CCDC73: variants seen among roughly 807,000 people sequenced by gnomAD.
CCDC73 encodes the protein coiled-coil domain-containing protein 73.
In CCDC73, 95 loss-of-function variants were observed where a neutral mutation model predicts 116.5. That is an observed-to-expected ratio of 0.82 (90% CI 0.69 to 0.97). CCDC73 has a LOEUF of 0.97. Ranked by LOEUF, CCDC73 falls within the 50% of genes least tolerant of loss-of-function variation. The pLI is 0.00. For synonymous variants in CCDC73, 398 were observed against 401.3 expected, an observed-to-expected ratio of 0.99 and a Z score of 0.10; for missense variants, 1,066 against 1,206.8, an observed-to-expected ratio of 0.88 and a Z score of 1.73.
In CCDC73 at chr11:32,615,983, TTC is replaced by T. The variant is rs1305655431; in HGVS notation, c.1330_1331del (p.Glu444ArgfsTer15). 1 of 1,590,998 alleles carries T rather than the reference TTC, an allele frequency of 6.3e-7. No homozygotes were observed. Among genetic ancestry groups the T allele is most frequent in the East Asian group, 2.3e-5 (1 of 44,414 alleles). Reference protein sequence around the residue: ...FCSDTEYREKEEKKEGSFIEE... With the variant: ...FCSDTEYREKXEKKEGSFIEE... ...CTATAAATGAGCCTTCTTTTTTTTC[TTC>T]TTTTTCTCTGTATTCAGTATCTGAA... is the stretch of plus-strand genomic sequence containing the variant. On this transcript the variant is annotated frameshift_variant, in exon 15 of 18. Transcript: ENST00000335185. LOFTEE classifies it high-confidence loss of function.
At chr11:32,667,653 G>T (rs889541222) in intron 9 of CCDC73, among the ~76,000 whole-genome samples, 1 of 152,106 alleles carries the variant, frequency 6.6e-6, no homozygotes, top group African/African-American at 2.4e-5. Flanking sequence ...ACTCTTGGTG[G>T]GCTACACCCA....
chr11:32,616,747 C>T (rs561752067), intron 14 of CCDC73, among the ~76,000 whole-genome samples: 1 of 152,300 alleles, frequency 6.6e-6, no homozygotes, highest in Admixed American at 6.5e-5. Context: ...CTGTACTAGG[C>T]TTTGGGATAC....
intron 14 of CCDC73, among the ~76,000 whole-genome samples, chr11:32,628,210 G>A (rs1855594607): frequency 6.6e-6 from 1 of 152,162 alleles, no homozygotes; most frequent in Non-Finnish European, 1.5e-5. Context: ...AGGAAAAAGT[G>A]AGATGAACCC....
chr11:32,737,920 C>T (rs1249233602), intron 2 of CCDC73, among the ~76,000 whole-genome samples: 1 of 152,074 alleles, frequency 6.6e-6, no homozygotes, highest in African/African-American at 2.4e-5. Context: ...ATTTTTACCT[C>T]CCACGAATAA....
chr11:32,647,779 C>A (rs1855791320), intron 12 of CCDC73, among the ~76,000 whole-genome samples: 1 of 151,524 alleles, frequency 6.6e-6, no homozygotes, highest in African/African-American at 2.4e-5. Context: ...AGACTTCCAA[C>A]CTCTTGTCAA....
the CCDC73 span, among the ~76,000 whole-genome samples, chr11:32,802,610 C>T: frequency 6.6e-6 from 1 of 152,248 alleles, no homozygotes; most frequent in Non-Finnish European, 1.5e-5. Flanking sequence ...ACTCATCCTA[C>T]ATCATAAAGA....
chr11:32,796,460 C>T (rs1850728728), upstream of CCDC73, among the ~76,000 whole-genome samples: 1 of 152,190 alleles, frequency 6.6e-6, no homozygotes. Flanking sequence ...TTAGTCTCCA[C>T]AACAATCCTA....
rs141592583 is a variant in CCDC73 at position 32,791,500 on chromosome 11, G to A, written c.-16+3113C>T. Among the ~76,000 whole-genome samples the A allele has an allele frequency of 4.8e-3, 735 of 152,290 alleles. 7 individuals carry two copies. Among genetic ancestry groups the A allele is most frequent in the Non-Finnish European group, 9.0e-3 (615 of 68,006 alleles). Reference sequence around the variant, plus strand: ...TATTTCCCAAGTTTACCTTGATCTTGAAACACTTTTTTTCATAATTCATAA... The same window carrying A: ...TATTTCCCAAGTTTACCTTGATCTTAAAACACTTTTTTTCATAATTCATAA... On this transcript the variant is annotated intron_variant, in intron 1 of 17. Transcript: ENST00000335185.
the CCDC73 span, among the ~76,000 whole-genome samples, chr11:32,809,278 T>C: frequency 1.3e-5 from 2 of 152,174 alleles, no homozygotes; most frequent in Non-Finnish European, 2.9e-5. Flanking sequence ...AGAGAATTTA[T>C]TGGAAGGATA....
At chr11:32,780,860 G>A (rs1850577206) in intron 1 of CCDC73, among the ~76,000 whole-genome samples, 1 of 152,232 alleles carries the variant, frequency 6.6e-6, no homozygotes, top group Admixed American at 6.5e-5. Flanking sequence ...GGTGGAACCA[G>A]GACATGAACC....
chr11:32,643,689 A>G (rs1203840616), intron 12 of CCDC73, among the ~76,000 whole-genome samples: 1 of 152,178 alleles, frequency 6.6e-6, no homozygotes, highest in Non-Finnish European at 1.5e-5. Context: ...ATGTAACTAT[A>G]TAAGGTACTT....
At chr11:32,814,227 A>G in the CCDC73 span, among the ~76,000 whole-genome samples, 3 of 152,212 alleles carry the variant, frequency 2.0e-5, no homozygotes, top group African/African-American at 7.2e-5. Context: ...GGTAAAAAAG[A>G]TAAACATAAA....
intron 2 of CCDC73, among the ~76,000 whole-genome samples, chr11:32,755,607 ATATG>A (rs1339442689): frequency 5.0e-5 from 4 of 80,300 alleles, no homozygotes; most frequent in African/African-American, 8.9e-5. Flanking sequence ...ATATCCATAT[ATATG>A]TGTGTGTATA....
At chr11:32,750,108 G>T (rs1850274239) in intron 2 of CCDC73, among the ~76,000 whole-genome samples, 2 of 152,068 alleles carry the variant, frequency 1.3e-5, no homozygotes, top group Non-Finnish European at 1.5e-5. Flanking sequence ...CTGACCTCGT[G>T]ATCCGCCTGC....
chr11:32,767,242 T>C (rs2133383660), intron 1 of CCDC73, among the ~76,000 whole-genome samples: 1 of 152,292 alleles, frequency 6.6e-6, no homozygotes, highest in Non-Finnish European at 1.5e-5. Context: ...ATTTAACAAA[T>C]GGTGCTGGGA....
At chr11:32,693,753 G>T (rs1026249717) in intron 6 of CCDC73, among the ~76,000 whole-genome samples, 7 of 152,122 alleles carry the variant, frequency 4.6e-5, no homozygotes, top group East Asian at 1.9e-4. Context: ...TGCAAGGCTG[G>T]TTCAACATAT....
chr11:32,752,366 C>G (rs186609827), intron 2 of CCDC73, among the ~76,000 whole-genome samples: 10 of 152,262 alleles, frequency 6.6e-5, no homozygotes, highest in Non-Finnish European at 1.5e-5. Flanking sequence ...GTAAATATCA[C>G]TGTAGCAAAA....
chr11:32,651,711 G>C (rs902694891), intron 12 of CCDC73, among the ~76,000 whole-genome samples: 1 of 152,200 alleles, frequency 6.6e-6, no homozygotes, highest in Non-Finnish European at 1.5e-5. Flanking sequence ...GAAGCAGAAG[G>C]CCATTCTGAG....
At chr11:32,773,773 C>T (rs1183936392) in intron 1 of CCDC73, among the ~76,000 whole-genome samples, 1 of 105,952 alleles carries the variant, frequency 9.4e-6, no homozygotes, top group East Asian at 4.3e-4. Context: ...GAGCAAGATG[C>T]TGTCTCAAAA....
Sources: gnomAD v4.1 joint callset for allele counts (sites outside exome capture counted in the v4.1 genomes callset) on GRCh38, gnomAD v4.1.1 for gene constraint, MANE v1.5 for transcripts, NCBI Gene and HGNC (gene_info 2026-07-23, HGNC 2026-07-21) for gene names.